EEF2K: variants seen among roughly 807,000 people sequenced by gnomAD.
EEF2K encodes the protein eukaryotic elongation factor 2 kinase.
A neutral mutation model predicts 93.8 loss-of-function variants in EEF2K; 70 were observed. The observed-to-expected ratio is 0.75, with a 90% CI of 0.62 to 0.91. The LOEUF is 0.91. Among genes scored for constraint, EEF2K ranks in the 40% least tolerant of loss-of-function variants. The probability of loss-of-function intolerance (pLI) is 0.00; values close to 1 mark genes in which losing one functional copy is unlikely to be tolerated. For missense variants in EEF2K, 935 were observed against 972.9 expected, an observed-to-expected ratio of 0.96 and a Z score of 0.52; for synonymous variants, 376 against 380.8, an observed-to-expected ratio of 0.99 and a Z score of 0.15.
chr16:22,248,681 T>A, intron 3 of EEF2K, 74 bp from the exon 4 acceptor site: 1 of 1,578,994 alleles, frequency 6.3e-7, no homozygotes, highest in Non-Finnish European at 8.7e-7. Context: ...CCCAGAAGGG[T>A]CTTTGACCTT....
intron 1 of EEF2K, among the ~76,000 whole-genome samples, chr16:22,222,025 G>C (rs2047017578): frequency 1.3e-5 from 2 of 152,052 alleles, no homozygotes; most frequent in South Asian, 4.2e-4. Context: ...AGCCAAGATT[G>C]TGCCACCCCA....
intron 1 of EEF2K, among the ~76,000 whole-genome samples, chr16:22,223,263 T>TTG (rs1567262250): frequency 9.0e-6 from 1 of 111,032 alleles, no homozygotes; most frequent in Non-Finnish European, 1.7e-5. Context: ...TTTTTTTCTG[T>TTG]TTTTTTTTTT....
rs541697189 is a variant in EEF2K at position 22,243,032 on chromosome 16, C to T, written c.247-1598C>T. ...GAGCCGTGATCATGCCACTGCACTC[C>T]GGCCTGGGGACAGGGTGAGACCCCG... On this transcript the variant is annotated intron_variant, in intron 2 of 17. Transcript: ENST00000263026. Among the ~76,000 whole-genome samples the T allele has an allele frequency of 4.6e-5, 7 of 151,544 alleles. No homozygotes were observed. In the East Asian group the frequency reaches 9.8e-4, roughly 21 times the overall value.
chr16:22,256,794 G>T lies in EEF2K; in HGVS notation c.665G>T (p.Gly222Val). 2 of 1,614,152 alleles carry T rather than the reference G, an allele frequency of 1.2e-6. No individual in the cohort carries two copies. Among genetic ancestry groups the T allele is most frequent in the South Asian group, 2.2e-5 (2 of 91,078 alleles). Residue 222 changes from glycine (G) to valine (V), a missense_variant, in exon 7 of 18, where the codon GGC becomes GTC. Physicochemically the swap from Gly to Val is moderately radical, Grantham distance 109 (BLOSUM62 -3). Transcript: ENST00000263026. Reference protein sequence around the residue: ...MCIIELKDRPGKPLFHLEHYI... With the variant: ...MCIIELKDRPVKPLFHLEHYI... Reference sequence around the variant, plus strand: ...ATCATCGAGCTGAAGGACAGACCGGGCAAGCCCCTCTTCCACCTGGAGCAC... The same window carrying T: ...ATCATCGAGCTGAAGGACAGACCGGTCAAGCCCCTCTTCCACCTGGAGCAC...
chr16:22,243,943 AG>A (rs2047253983), intron 2 of EEF2K, among the ~76,000 whole-genome samples: 1 of 141,044 alleles, frequency 7.1e-6, no homozygotes, highest in African/African-American at 2.6e-5. Flanking sequence ...AAAAAAAAAA[AG>A]AGGCCGGGCA....
At chr16:22,250,788 CA>C in intron 5 of EEF2K, 97 bp downstream of exon 5, 1 of 1,510,904 alleles carries the variant, frequency 6.6e-7, no homozygotes, top group South Asian at 1.2e-5. Context: ...GGAATGGAGC[CA>C]GGGGCCTCTG....
intron 2 of EEF2K, among the ~76,000 whole-genome samples, chr16:22,237,110 A>G (rs1295713116): frequency 6.6e-6 from 1 of 151,200 alleles, no homozygotes; most frequent in African/African-American, 2.4e-5. Context: ...ACGCCCAGCT[A>G]ATTTTTATAT....
intron 6 of EEF2K, among the ~76,000 whole-genome samples, chr16:22,254,508 G>A (rs966691668): frequency 6.6e-6 from 1 of 152,164 alleles, no homozygotes; most frequent in Admixed American, 6.5e-5. Context: ...CCAGGAGGTG[G>A]CATTGAGGAG....
intron 6 of EEF2K, 142 bp downstream of exon 6, chr16:22,251,464 A>C: frequency 2.6e-6 from 3 of 1,135,300 alleles, no homozygotes; most frequent in Non-Finnish European, 3.6e-6. Flanking sequence ...CCCACCACCA[A>C]GGCTGGAGTG....
intron 15 of EEF2K, among the ~76,000 whole-genome samples, chr16:22,268,834 G>A (rs1453130698): frequency 1.3e-5 from 2 of 151,764 alleles, no homozygotes; most frequent in East Asian, 3.9e-4. Flanking sequence ...GCATGCGCCT[G>A]TAATCCCAGC....
At chr16:22,273,525 C>T in intron 15 of EEF2K, 101 bp from the exon 16 acceptor site, 1 of 1,523,950 alleles carries the variant, frequency 6.6e-7, no homozygotes, top group Non-Finnish European at 8.8e-7. Context: ...CAACCCGGAG[C>T]TCTCAAAAAA....
chr16:22,217,296 T>G (rs1415176791), intron 1 of EEF2K, among the ~76,000 whole-genome samples: 1 of 150,244 alleles, frequency 6.7e-6, no homozygotes, highest in East Asian at 2.0e-4. Flanking sequence ...GCCTCTAGGG[T>G]TGGGAAGTAG....
At chr16:22,220,136 T>G (rs2046996880) in intron 1 of EEF2K, among the ~76,000 whole-genome samples, 1 of 152,180 alleles carries the variant, frequency 6.6e-6, no homozygotes, top group Non-Finnish European at 1.5e-5. Context: ...TGAACAGCTA[T>G]TGGGGGATAG....
At chr16:22,266,970 C>T in intron 15 of EEF2K, 94 bp downstream of exon 15, 6 of 1,441,898 alleles carry the variant, frequency 4.2e-6, no homozygotes, top group Non-Finnish European at 5.6e-6. Flanking sequence ...ATGCATTCAC[C>T]TGCCTTCTAT....
At chr16:22,242,644 C>G (rs2047234967) in intron 2 of EEF2K, among the ~76,000 whole-genome samples, 1 of 151,818 alleles carries the variant, frequency 6.6e-6, no homozygotes, top group Admixed American at 6.6e-5. Context: ...TTTGGGAGTT[C>G]TTTTGGGCCA....
chr16:22,283,869 C>T lies in EEF2K; in HGVS notation c.2069-18C>T. 1 of 1,569,324 alleles carries T rather than the reference C, an allele frequency of 6.4e-7. No homozygotes were observed. Among genetic ancestry groups the T allele is most frequent in the Non-Finnish European group, 8.6e-7 (1 of 1,157,124 alleles). ...ACAGGTGGTTCACCTCTTTTTGCCC[C>T]CCTTTGCTGTCTTTCAGGGGACTTG... On this transcript the variant is annotated intron_variant, in intron 17 of 17. Transcript: ENST00000263026.
intron 13 of EEF2K, among the ~76,000 whole-genome samples, chr16:22,265,922 G>C (rs765086317): frequency 6.6e-6 from 1 of 152,172 alleles, no homozygotes; most frequent in Non-Finnish European, 1.5e-5. Context: ...GGGAGCTGGC[G>C]AAGGGGTTGG....
chr16:22,226,021 G>C (rs760292367), intron 2 of EEF2K, 46 bp downstream of exon 2: 1 of 1,603,028 alleles, frequency 6.2e-7, no homozygotes, highest in Non-Finnish European at 8.5e-7. Context: ...CTTAGCTGCT[G>C]TAAGGGATGG....
At chr16:22,261,745 C>T (rs1024563512) in intron 11 of EEF2K, among the ~76,000 whole-genome samples, 2 of 151,764 alleles carry the variant, frequency 1.3e-5, no homozygotes, top group South Asian at 2.1e-4. Context: ...TGGCTCACAC[C>T]TGTAATCCCA....
Sources: gnomAD v4.1 joint callset for allele counts (sites outside exome capture counted in the v4.1 genomes callset) on GRCh38, gnomAD v4.1.1 for gene constraint, MANE v1.5 for transcripts, NCBI Gene and HGNC (gene_info 2026-07-23, HGNC 2026-07-21) for gene names.